Variants in FCER2 observed in about 807,000 individuals in gnomAD.
FCER2 encodes the protein low affinity immunoglobulin epsilon Fc receptor.
In FCER2, 38 loss-of-function variants were observed where a neutral mutation model predicts 49.7. That is an observed-to-expected ratio of 0.76 (90% CI 0.59 to 1.00). FCER2 has a LOEUF of 1.00. Ranked by LOEUF, FCER2 falls within the 50% of genes least tolerant of loss-of-function variation. The pLI, the probability that FCER2 is intolerant of heterozygous loss-of-function variation, is 0.00. For synonymous variants in FCER2, 163 were observed against 164.6 expected (o/e 0.99, Z 0.07); for missense variants, 425 against 419.5 (o/e 1.01, Z -0.11).
chr19:7,690,237 G>A lies in FCER2; in HGVS notation c.650C>T (p.Thr217Ile). ...QDFLTKHASH[T>I]GSWIGLRNLD... ...GTTCCGAAGGCCAATCCAGGAGCCG[G>A]TGTGGCTGGCATGCTTGGTCAGGAA... Residue 217 changes from threonine to isoleucine, a missense_variant, in exon 10 of 11, where the codon ACC becomes ATC. Transcript: ENST00000597921. 1 of 1,614,016 alleles carries A rather than the reference G, an allele frequency of 6.2e-7. No homozygotes were observed. Among genetic ancestry groups the A allele is most frequent in the Middle Eastern group, 1.7e-4 (1 of 6,058 alleles).
chr19:7,691,121 C>CTGA (rs373219127), intron 8 of FCER2, among the ~76,000 whole-genome samples: 27,540 of 118,382 alleles, frequency 0.23, 4,066 homozygotes, highest in African/African-American at 0.36. Context: ...ACACTCATGT[C>CTGA]CAATAATATT....
chr19:7,700,003 G>C, intron 1 of FCER2, 158 bp from the exon 2 acceptor site: 2 of 579,216 alleles, frequency 3.5e-6, no homozygotes, highest in East Asian at 5.9e-5. Context: ...GACACAGCTG[G>C]TGTGGAGAGA....
At chr19:7,695,152 G>T (rs1410298787) in intron 8 of FCER2, among the ~76,000 whole-genome samples, 2 of 152,054 alleles carry the variant, frequency 1.3e-5, no homozygotes, top group Non-Finnish European at 2.9e-5. Context: ...CCACATTAAG[G>T]GTACAGTGAC....
chr19:7,697,361 A>G, intron 5 of FCER2, 63 bp from the exon 6 acceptor site: 1 of 1,563,514 alleles, frequency 6.4e-7, no homozygotes, highest in African/African-American at 1.4e-5. Flanking sequence ...ATCTACCCCC[A>G]CCCATCCCTT....
At position 7,689,265 on chromosome 19, in the gene FCER2, C is replaced by T. The variant is rs1222167206; in HGVS notation, c.894G>A (p.Glu298=). ...CTPPASEGSA[E]SMGPDSRPDP... ...CTGGTCTTGAATCAGGTCCCATGGA[C>T]TCCGCGGAACCTTCGCTGGCTGGCG... The change falls in exon 11 of 11, where the codon GAG becomes GAA. Residue 298 remains glutamate (E), a synonymous_variant. Transcript: ENST00000597921. 4.3e-6 allele frequency: 7 copies of T among 1,613,878 alleles called. No homozygotes were observed. Among genetic ancestry groups the T allele is most frequent in the Non-Finnish European group, 5.9e-6 (7 of 1,179,938 alleles).
chr19:7,699,794 C>A lies in FCER2; in HGVS notation c.-34G>T, dbSNP rs779331878. On this transcript the variant is annotated 5_prime_UTR_variant, in exon 2 of 11. Coordinates refer to ENST00000597921, the MANE Select transcript of FCER2 (RefSeq NM_001220500.2). ...TGCTTGGATTCTCCCGATGATGGAG[C>A]ACTCACTCCCTGACAACGCAGTCCA... The A allele has an allele frequency of 1.9e-6, 3 of 1,609,904 alleles. No homozygotes were observed. The South Asian group carries it at 3.3e-5, about 18-fold the overall frequency.
At position 7,697,013 on chromosome 19, in the gene FCER2, C is replaced by T. The variant is rs2033033160; in HGVS notation, c.379G>A (p.Glu127Lys). ...TGCCCCATCCCCTCCCAAGCCTCAC[C>T]CTGGGACTTGAAGCTGCTCAGATCT... ...QADLSSFKSQELNERNEASDL... is the reference protein window; with the variant it reads ...QADLSSFKSQKLNERNEASDL... Residue 127 changes from glutamate to lysine, a missense_variant and splice_region_variant, in exon 7 of 11, where the codon GAA (glutamate) becomes AAA (lysine). Physicochemically the swap from Glu to Lys is moderately conservative, Grantham distance 56 (BLOSUM62 1). Transcript: ENST00000597921. The T allele has an allele frequency of 5.7e-6, 9 of 1,592,904 alleles. No homozygotes were observed. Among genetic ancestry groups the T allele is most frequent in the Non-Finnish European group, 7.7e-6 (9 of 1,169,664 alleles).
rs980176219 is a variant in FCER2, at chr19:7,697,555, G to A, written c.225C>T (p.His75=). 2.0e-5 allele frequency: 33 copies of A among 1,613,920 alleles called. No homozygotes were observed. The highest frequency in any genetic ancestry group is 1.2e-4 in the Admixed American group (7 of 60,000). ...SQVSKNLESH[H]GDQMAQKSQS... ...GGGATTTCTGCGCCATCTGGTCACC[G>A]TGGTGGCTTTCCAAGTTCTTGGAAA... is the stretch of plus-strand genomic sequence containing the variant. The change falls in exon 5 of 11, where the codon CAC becomes CAT. Residue 75 remains histidine (H), a synonymous_variant. Transcript: ENST00000597921.
intron 5 of FCER2, 64 bp from the exon 6 acceptor site, chr19:7,697,362 C>T: frequency 1.3e-6 from 2 of 1,566,936 alleles, no homozygotes; most frequent in Admixed American, 1.7e-5. Flanking sequence ...TCTACCCCCA[C>T]CCATCCCTTG....
intron 1 of FCER2, among the ~76,000 whole-genome samples, chr19:7,701,768 A>T (rs1006936754): frequency 6.6e-6 from 1 of 151,618 alleles, no homozygotes; most frequent in Non-Finnish European, 1.5e-5. Context: ...TGATCGGCCC[A>T]GCGCACTCAC....
intron 8 of FCER2, among the ~76,000 whole-genome samples, chr19:7,691,518 A>G (rs1233604183): frequency 6.6e-6 from 1 of 152,018 alleles, no homozygotes; most frequent in South Asian, 2.1e-4. Flanking sequence ...TCAATCACCA[A>G]CATTATCACC....
chr19:7,697,874 A>G (rs1033028151), intron 4 of FCER2, among the ~76,000 whole-genome samples: 4 of 152,330 alleles, frequency 2.6e-5, no homozygotes, highest in East Asian at 3.9e-4. Context: ...CACTAAAAGT[A>G]TGCCCATTTT....
chr19:7,697,975 T>A (rs1325193648), intron 4 of FCER2, among the ~76,000 whole-genome samples: 1 of 152,180 alleles, frequency 6.6e-6, no homozygotes, highest in Non-Finnish European at 1.5e-5. Context: ...CAACTTACAA[T>A]AGCTCGAGTT....
intron 10 of FCER2, among the ~76,000 whole-genome samples, chr19:7,689,681 G>T (rs1021071374): frequency 1.3e-5 from 2 of 151,996 alleles, no homozygotes; most frequent in Admixed American, 6.6e-5. Context: ...AGTGCAGTGC[G>T]CGATCTCAGC....
At chr19:7,697,421 G>C (rs558068649) in intron 5 of FCER2, 106 bp downstream of exon 5, 65 of 1,448,578 alleles carry the variant, frequency 4.5e-5, no homozygotes, top group Non-Finnish European at 6.0e-5. Context: ...TGCAGTTCCC[G>C]GGTGTCGGGG....
Position 7,690,290 on chromosome 19 carries a change from G to A in FCER2, c.622-25C>T, listed in dbSNP as rs762589833. ...CCTGGGGGACAGGACAGGGCTGGAG[G>A]ACTGGAGACATGTGCCCGGGGCCTT... On this transcript the variant is annotated intron_variant, in intron 9 of 10. Coordinates refer to ENST00000597921, the MANE Select transcript of FCER2 (RefSeq NM_001220500.2). 5.6e-6 allele frequency: 9 copies of A among 1,608,760 alleles called. No homozygotes were observed. The African/African-American group carries it at 8.0e-5, about 14-fold the overall frequency.
At chr19:7,692,617 G>A (rs555243625) in intron 8 of FCER2, among the ~76,000 whole-genome samples, 3 of 135,570 alleles carry the variant, frequency 2.2e-5, no homozygotes, top group East Asian at 2.1e-4. Flanking sequence ...CCAGCAGAAC[G>A]CCAGTCACTA....
At chr19:7,689,510 T>G (rs2032800324) in intron 10 of FCER2, 80 bp from the exon 11 acceptor site, 1 of 860,038 alleles carries the variant, frequency 1.2e-6, no homozygotes, top group East Asian at 2.6e-5. Context: ...GTCTGCACCC[T>G]CCCTTCTCAC....
At chr19:7,691,466 G>T (rs1187616057) in intron 8 of FCER2, among the ~76,000 whole-genome samples, 1 of 149,446 alleles carries the variant, frequency 6.7e-6, no homozygotes, top group Non-Finnish European at 1.5e-5. Context: ...TGCCTCAATA[G>T]CCACCAACAT....
Sources: allele counts gnomAD v4.1 joint callset (sites outside exome capture counted in the v4.1 genomes callset), GRCh38; gene constraint gnomAD v4.1.1; transcripts MANE v1.5; gene names NCBI Gene and HGNC (gene_info 2026-07-23, HGNC 2026-07-21).